The following CPEB3 variants were observed in gnomAD, a reference collection of about 807,000 sequenced individuals.
The protein encoded by CPEB3 is cytoplasmic polyadenylation element-binding protein 3.
CPEB3 carries 20 observed loss-of-function variants against 67.2 expected under a neutral mutation model. That is an observed-to-expected ratio of 0.30 (90% CI 0.21 to 0.43). The LOEUF (loss-of-function observed/expected upper bound fraction) is 0.43, where lower values mean the gene tolerates loss of function less well. CPEB3 is among the 20% of genes least tolerant of loss of function. The pLI is 1.00. For missense variants in CPEB3, 746 were observed against 968.6 expected, an observed-to-expected ratio of 0.77 and a Z score of 3.05; for synonymous variants, 376 against 393.1, an observed-to-expected ratio of 0.96 and a Z score of 0.51.
At chr10:92,192,701 T>C (rs1849039533) in intron 2 of CPEB3, 65 bp from the exon 3 acceptor site, 1 of 1,274,828 alleles carries the variant, frequency 7.8e-7, no homozygotes, top group South Asian at 1.6e-5. Context: ...ACCATATCAT[T>C]TGCTTCCTGC....
chr10:92,291,124 GC>G, upstream of CPEB3: 1 of 364,378 alleles, frequency 2.7e-6, no homozygotes, highest in East Asian at 7.1e-5. Flanking sequence ...GCTCTGGGCC[GC>G]CCTGCGTCGT....
At chr10:92,084,185 AT>A (rs1334714909) in intron 8 of CPEB3, among the ~76,000 whole-genome samples, 5 of 151,314 alleles carry the variant, frequency 3.3e-5, no homozygotes, top group East Asian at 1.9e-4. Context: ...AAAAAAAAAA[AT>A]CTTCAGGATC....
chr10:92,121,056 T>G (rs1845346741), intron 6 of CPEB3, among the ~76,000 whole-genome samples: 1 of 150,892 alleles, frequency 6.6e-6, no homozygotes, highest in Admixed American at 6.7e-5. Flanking sequence ...TCACCCAGGC[T>G]GGAGTGCAGT....
At chr10:92,249,830 G>C (rs527539580) in intron 1 of CPEB3, among the ~76,000 whole-genome samples, 2 of 151,554 alleles carry the variant, frequency 1.3e-5, no homozygotes, top group East Asian at 3.9e-4. Flanking sequence ...AACCAGCCTT[G>C]GTCAACATGG....
chr10:92,121,413 G>A (rs1055371198), intron 6 of CPEB3, among the ~76,000 whole-genome samples: 4 of 148,502 alleles, frequency 2.7e-5, no homozygotes, highest in African/African-American at 7.4e-5. Context: ...GAGACAGCGC[G>A]TGAGCGAGCA....
chr10:92,192,417 T>TA (rs896744454), intron 3 of CPEB3, 60 bp downstream of exon 3: 18 of 1,479,490 alleles, frequency 1.2e-5, no homozygotes, highest in Non-Finnish European at 1.7e-5. Context: ...TCAAAATTAT[T>TA]AAAAAGCTGA....
rs1001317250 is a variant in CPEB3 at position 92,048,381 on chromosome 10, T to C, written c.*3831A>G. The C allele has an allele frequency of 1.1e-4, 2 of 18,044 alleles. No homozygotes were observed. Among genetic ancestry groups the C allele is most frequent in the African/African-American group, 3.1e-4 (2 of 6,490 alleles). 1.1% of individuals were successfully genotyped at this position (18,044 alleles called of 1,614,324 possible). On this transcript the variant is annotated 3_prime_UTR_variant, in exon 10 of 10. Coordinates refer to ENST00000265997, the MANE Select transcript of CPEB3 (RefSeq NM_014912.5). This position sits in a 1 kb window ranked among gnomAD's most constrained non-coding sequence, Gnocchi z 4.1. ...CAGTTTTTCTCTCTCTCTCTCTCTC[T>C]CTCTCTCACACACACACACACACAC...
At chr10:92,218,250 T>TA (rs1850527914) in intron 2 of CPEB3, among the ~76,000 whole-genome samples, 1 of 151,934 alleles carries the variant, frequency 6.6e-6, no homozygotes, top group African/African-American at 2.4e-5. Flanking sequence ...CTACTAAAAA[T>TA]ACAAAAATTA....
At chr10:92,211,840 G>A (rs1161640282) in intron 2 of CPEB3, among the ~76,000 whole-genome samples, 1 of 151,178 alleles carries the variant, frequency 6.6e-6, no homozygotes, top group African/African-American at 2.4e-5. Flanking sequence ...ACTGCGCCCA[G>A]CTCAAACATA....
chr10:92,235,791 C>T (rs1851502203), intron 2 of CPEB3, among the ~76,000 whole-genome samples: 2 of 152,192 alleles, frequency 1.3e-5, no homozygotes. Flanking sequence ...CGTCACCTCA[C>T]ATGTTGGGAC....
chr10:92,139,376 A>G (rs1181383671), intron 6 of CPEB3, among the ~76,000 whole-genome samples: 5 of 152,178 alleles, frequency 3.3e-5, no homozygotes, highest in Admixed American at 2.0e-4. Flanking sequence ...GTCATCTGCA[A>G]CAACATGGAT....
At chr10:92,184,343 G>A (rs190521561) in intron 3 of CPEB3, among the ~76,000 whole-genome samples, 1,841 of 152,246 alleles carry the variant, frequency 0.012, 122 homozygotes, top group Admixed American at 0.11. Flanking sequence ...CGTGGCTCAC[G>A]CCTGTAATCC....
chr10:92,253,480 A>AAAAAAG (rs1564910662), intron 1 of CPEB3, among the ~76,000 whole-genome samples: 32 of 150,118 alleles, frequency 2.1e-4, no homozygotes, highest in African/African-American at 7.4e-4. Flanking sequence ...AAAAAAAAAA[A>AAAAAAG]AAAAGAAAAG....
At chr10:92,071,670 G>A (rs1385448671) in intron 9 of CPEB3, among the ~76,000 whole-genome samples, 1 of 151,856 alleles carries the variant, frequency 6.6e-6, no homozygotes, top group Non-Finnish European at 1.5e-5. Context: ...AGGCAGCAGA[G>A]GTTGCAGTGA....
intron 6 of CPEB3, among the ~76,000 whole-genome samples, chr10:92,114,655 A>G (rs1331037314): frequency 6.6e-6 from 1 of 152,182 alleles, no homozygotes; most frequent in Non-Finnish European, 1.5e-5. Context: ...GGTAAGCCCT[A>G]TTTTGAATTC....
chr10:92,137,185 T>C (rs1177209215), intron 6 of CPEB3: 2 of 404,978 alleles, frequency 4.9e-6, no homozygotes. Flanking sequence ...CACTTGATAA[T>C]TGGCTCAAAA....
At chr10:92,266,893 G>A (rs532126305) in intron 1 of CPEB3, among the ~76,000 whole-genome samples, 2 of 152,218 alleles carry the variant, frequency 1.3e-5, no homozygotes, top group South Asian at 2.1e-4. Context: ...AATTAGCCGG[G>A]CGTGGTGGCA....
intron 1 of CPEB3, among the ~76,000 whole-genome samples, chr10:92,261,413 G>A (rs1161646022): frequency 6.6e-6 from 1 of 152,032 alleles, no homozygotes; most frequent in Non-Finnish European, 1.5e-5. Context: ...AGCTGCATCT[G>A]TCCAAAGGAA....
In CPEB3 at chr10:92,098,368, G is replaced by A. The variant is rs187991295; in HGVS notation, c.1573-6424C>T. Among the ~76,000 whole-genome samples the A allele has an allele frequency of 1.1e-3, 162 of 151,516 alleles. 2 individuals carry two copies. Among genetic ancestry groups the A allele is most frequent in the African/African-American group, 3.7e-3 (155 of 41,372 alleles). On this transcript the variant is annotated intron_variant, in intron 7 of 9. Coordinates refer to ENST00000265997, the MANE Select transcript of CPEB3 (RefSeq NM_014912.5). ...TTGTTGCCCAGGCTGGAGTGCAAAG[G>A]CACGATCTTGGCTCACCACAACCTC...
Sources: allele counts gnomAD v4.1 joint callset (sites outside exome capture counted in the v4.1 genomes callset), GRCh38; gene constraint gnomAD v4.1.1; non-coding constraint Gnocchi (gnomAD v3.1); transcripts MANE v1.5; gene names NCBI Gene and HGNC (gene_info 2026-07-23, HGNC 2026-07-21).